Variants in SNRPN observed in about 807,000 individuals in gnomAD.
SNRPN encodes small nuclear ribonucleoprotein polypeptide N.
SNRPN carries 7 observed loss-of-function variants against 25.2 expected under a neutral mutation model. That is an observed-to-expected ratio of 0.28 (90% CI 0.16 to 0.52). SNRPN has a LOEUF of 0.52. SNRPN is among the 20% of genes least tolerant of loss of function. The probability of loss-of-function intolerance (pLI) is 0.96; values close to 1 mark genes in which losing one functional copy is unlikely to be tolerated. For synonymous variants in SNRPN, 124 were observed against 110.6 expected (o/e 1.12, Z -0.76); for missense variants, 196 against 322.5 (o/e 0.61, Z 3.00).
chr15:24,832,861 C>T (rs546890366), intron 2 of SNRPN, among the ~76,000 whole-genome samples: 1 of 152,020 alleles, frequency 6.6e-6, no homozygotes, highest in South Asian at 2.1e-4. Flanking sequence ...AATCCCAGCA[C>T]TTTGGGAGGC....
intron 3 of SNRPN, among the ~76,000 whole-genome samples, chr15:24,971,111 T>G (rs575403748): frequency 8.5e-5 from 13 of 152,214 alleles, no homozygotes; most frequent in Non-Finnish European, 1.8e-4. Context: ...ACTTTTGAAT[T>G]AAAGTAGATT....
chr15:24,920,599 A>C (rs2059969210), intron 3 of SNRPN: 1 of 152,200 alleles, frequency 6.6e-6, no homozygotes, highest in African/African-American at 2.4e-5. Context: ...GTAATGTGCC[A>C]AATCTGAGGA....
At chr15:24,908,412 G>C (rs1383124672) in intron 2 of SNRPN, among the ~76,000 whole-genome samples, 2 of 152,172 alleles carry the variant, frequency 1.3e-5, no homozygotes, top group East Asian at 3.8e-4. Context: ...GGCTTCAGAA[G>C]ATGAAAAGCC....
chr15:24,847,815 A>C (rs2052340475), intron 2 of SNRPN, among the ~76,000 whole-genome samples: 1 of 152,234 alleles, frequency 6.6e-6, no homozygotes, highest in African/African-American at 2.4e-5. Context: ...GATGTATAGG[A>C]GTGTGATACC....
chr15:24,909,894 A>G, intron 2 of SNRPN: 1 of 640,902 alleles, frequency 1.6e-6, no homozygotes, highest in Non-Finnish European at 2.8e-6. Context: ...TGGGGCAGGG[A>G]GAAGGGGAAA....
At chr15:24,880,782 T>G (rs188661355) in intron 1 of SNRPN, among the ~76,000 whole-genome samples, 4 of 152,194 alleles carry the variant, frequency 2.6e-5, no homozygotes, top group Non-Finnish European at 4.4e-5. Flanking sequence ...CTTGCTCTGT[T>G]GTCCAGGCTG....
chr15:24,898,578 T>A (rs1470217774), intron 2 of SNRPN, among the ~76,000 whole-genome samples: 3 of 148,206 alleles, frequency 2.0e-5, no homozygotes, highest in Non-Finnish European at 4.5e-5. Flanking sequence ...CAGAGTGAGA[T>A]CTGTCTAAAA....
chr15:24,975,748 C>A lies in SNRPN; in HGVS notation c.155+239C>A, dbSNP rs544884355. Among the ~76,000 whole-genome samples, 7 of 152,182 alleles carry A rather than the reference C, an allele frequency of 4.6e-5. No individual in the cohort carries two copies. The East Asian group carries it at 1.4e-3, about 29-fold the overall frequency. On this transcript the variant is annotated intron_variant, in intron 5 of 9. Coordinates refer to ENST00000390687, the MANE Select transcript of SNRPN (RefSeq NM_003097.6). The stretch of plus-strand genomic sequence containing the variant: ...TGGGAGTAAAAGTATATGCTATGGT[C>A]AGAATACTCGTATTTATTTTTAAAA...
At chr15:24,908,198 T>C (rs2151977920) in intron 2 of SNRPN, among the ~76,000 whole-genome samples, 1 of 152,260 alleles carries the variant, frequency 6.6e-6, no homozygotes, top group South Asian at 2.1e-4. Context: ...CTGTTCTTTA[T>C]AGATTTCCTA....
rs2060662923 is a variant in SNRPN at position 24,929,602 on chromosome 15, G to A, written c.-391+9478G>A. ...AGACTGTCTCCTTGAGTTCTGGGTG[G>A]CAGAAATGGCCCAGGGCCCTGGGCT... On this transcript the variant is annotated intron_variant, in intron 3 of 11. Coordinates refer to the SNRPN transcript ENST00000400097. The surrounding 1 kb of genome is among the most constrained non-coding windows in gnomAD (Gnocchi z 5.3). 6.6e-6 allele frequency among the ~76,000 whole-genome samples: 1 copy of A among 151,972 alleles called. No individual in the cohort carries two copies. The highest frequency in any genetic ancestry group is 1.5e-5 in the Non-Finnish European group (1 of 67,994).
At chr15:24,947,715 C>T (rs922404340) in intron 3 of SNRPN, among the ~76,000 whole-genome samples, 1 of 152,122 alleles carries the variant, frequency 6.6e-6, no homozygotes, top group Admixed American at 6.6e-5. Context: ...AATATCTTTC[C>T]ACCCCTTCCA....
Position 24,884,148 on chromosome 15 carries a change from C to CAAAAAAAAA in SNRPN, c.-578-2360_-578-2352dup, listed in dbSNP as rs61039873. ...GCAACATGGCATAACCCTGCCTCTA[C>CAAAAAAAAA]AAAAAAAAAAAAAAAAGATCTATAT... On this transcript the variant is annotated intron_variant, in intron 1 of 11. Transcript: ENST00000400097. 1.8e-3 allele frequency among the ~76,000 whole-genome samples: 184 copies of CAAAAAAAAA among 104,830 alleles called. 17 individuals are homozygous for CAAAAAAAAA. Among genetic ancestry groups the CAAAAAAAAA allele is most frequent in the Admixed American group, 3.0e-3 (26 of 8,806 alleles). The allele number at this position is 104,830 out of a possible 152,430, so 68.8% of individuals were successfully genotyped here.
At chr15:24,944,344 G>C (rs911746549) in intron 3 of SNRPN, among the ~76,000 whole-genome samples, 2 of 152,144 alleles carry the variant, frequency 1.3e-5, no homozygotes, top group African/African-American at 4.8e-5. Flanking sequence ...CATTATACTT[G>C]TTAGTTTGAC....
chr15:24,954,855 T>G (rs2062572387), upstream of SNRPN: 1 of 727,242 alleles, frequency 1.4e-6, no homozygotes, highest in Admixed American at 2.4e-5. Context: ...CCCAGGTCAT[T>G]CCGGTGAGGG....
chr15:24,969,188 G>T (rs2076079700), intron 3 of SNRPN, among the ~76,000 whole-genome samples: 1 of 152,102 alleles, frequency 6.6e-6, no homozygotes, highest in Non-Finnish European at 1.5e-5. Flanking sequence ...GAGTGCAGTG[G>T]TATGGTTTCG....
Position 24,876,754 on chromosome 15 carries a change from TG to T in SNRPN, c.-578-9761del, listed in dbSNP as rs1198978281. 3.9e-5 allele frequency among the ~76,000 whole-genome samples: 6 copies of T among 152,070 alleles called. No individual in the cohort carries two copies. In the East Asian group the frequency reaches 1.2e-3, roughly 29 times the overall value. ...AAGAGGCAGTTTGTGATTGAATAGA[TG>T]AAGAATAAGCAGCTGAAAACCATGT... On this transcript the variant is annotated intron_variant, in intron 1 of 11. Transcript: ENST00000400097.
chr15:24,861,786 C>G (rs2054007945), intron 1 of SNRPN, among the ~76,000 whole-genome samples: 1 of 151,972 alleles, frequency 6.6e-6, no homozygotes. Context: ...TTTTAAAAGC[C>G]CTTCCATAGT....
At chr15:24,829,227 GA>G (rs1183657266) in intron 1 of SNRPN, among the ~76,000 whole-genome samples, 1 of 152,108 alleles carries the variant, frequency 6.6e-6, no homozygotes. Flanking sequence ...TGGGGATTCA[GA>G]AAACGCAACA....
intron 2 of SNRPN, among the ~76,000 whole-genome samples, chr15:24,840,366 T>A (rs1566813441): frequency 6.6e-6 from 1 of 151,876 alleles, no homozygotes; most frequent in African/African-American, 2.4e-5. Context: ...CTCAAAAAAA[T>A]AAAATAAAAT....
Sources: gnomAD v4.1 joint callset for allele counts (sites outside exome capture counted in the v4.1 genomes callset) on GRCh38, gnomAD v4.1.1 for gene constraint, Gnocchi (gnomAD v3.1) non-coding constraint, MANE v1.5 for transcripts, NCBI Gene and HGNC (gene_info 2026-07-23, HGNC 2026-07-21) for gene names.